EFCAB12: variants seen among roughly 807,000 people sequenced by gnomAD.
EFCAB12 encodes the protein EF-hand calcium-binding domain-containing protein 12.
EFCAB12 carries 43 observed loss-of-function variants against 53.6 expected under a neutral mutation model. That is an observed-to-expected ratio of 0.80 (90% CI 0.63 to 1.03). The LOEUF (loss-of-function observed/expected upper bound fraction) is 1.03, where lower values mean the gene tolerates loss of function less well. Among genes scored for constraint, EFCAB12 ranks in the 50% least tolerant of loss-of-function variants. The pLI is 0.00. For missense variants in EFCAB12, 646 were observed against 730.6 expected, an observed-to-expected ratio of 0.88 and a Z score of 1.34; for synonymous variants, 269 against 289.2, an observed-to-expected ratio of 0.93 and a Z score of 0.71.
At chr3:129,421,230 C>T (rs557938398) in intron 2 of EFCAB12, 137 bp downstream of exon 2, 13 of 966,550 alleles carry the variant, frequency 1.3e-5, no homozygotes, top group African/African-American at 1.3e-4. Context: ...ACAACTAATA[C>T]ACCTCCCTCT....
intron 1 of EFCAB12, among the ~76,000 whole-genome samples, chr3:129,427,365 C>G (rs67663798): frequency 0.11 from 13,852 of 128,298 alleles, 707 homozygotes; most frequent in African/African-American, 0.18. Flanking sequence ...ACTGGGTCCT[C>G]TGAGTACGTT....
rs1206795389 is a variant in EFCAB12 at position 129,415,328 on chromosome 3, GTGT to G, written c.752_754del (p.Asn251del). The G allele has an allele frequency of 2.6e-5, 42 of 1,613,584 alleles. No individual in the cohort carries two copies. The highest frequency in any genetic ancestry group is 3.5e-5 in the Non-Finnish European group (41 of 1,179,856). On this transcript the variant is annotated inframe_deletion, in exon 4 of 9. Coordinates refer to ENST00000505956, the MANE Select transcript of EFCAB12 (RefSeq NM_207307.3). ...ATTGGCCAGGATATCCATGGTGATG[GTGT>G]TGTGCTTCCCAAGAGAGCTGAGGTA... is the stretch of plus-strand genomic sequence containing the variant.
chr3:129,422,930 G>A (rs2107742540), intron 1 of EFCAB12, among the ~76,000 whole-genome samples: 1 of 152,230 alleles, frequency 6.6e-6, no homozygotes, highest in South Asian at 2.1e-4. Flanking sequence ...AGTAGACTAT[G>A]AGCTCCATGA....
intron 1 of EFCAB12, among the ~76,000 whole-genome samples, chr3:129,426,744 A>G (rs2072277645): frequency 6.6e-6 from 1 of 151,202 alleles, no homozygotes; most frequent in African/African-American, 2.4e-5. Context: ...TGGCTCAATC[A>G]TAGCTCACTG....
At chr3:129,405,675 C>G (rs1024089892) in intron 6 of EFCAB12, among the ~76,000 whole-genome samples, 2 of 152,186 alleles carry the variant, frequency 1.3e-5, no homozygotes, top group African/African-American at 4.8e-5. Flanking sequence ...GGCTCCTGAG[C>G]TTGAAGCCTG....
At chr3:129,406,954 G>A (rs1385228333) in intron 6 of EFCAB12, among the ~76,000 whole-genome samples, 9 of 151,824 alleles carry the variant, frequency 5.9e-5, no homozygotes, top group Admixed American at 5.9e-4. Context: ...TTGAACTCCT[G>A]GGATCAAGCT....
In EFCAB12 at chr3:129,418,130, CT is replaced by C. The variant is rs1305611834; in HGVS notation, c.681+123del. On this transcript the variant is annotated intron_variant, in intron 3 of 8. Transcript: ENST00000505956. The stretch of plus-strand genomic sequence containing the variant: ...GTAATAAGGCTGACAGTTTGCACTC[CT>C]TGTGTCTACTTCTCAGTTGAACCAG... 7.8e-6 allele frequency: 7 copies of C among 896,590 alleles called. No homozygotes were observed. In the East Asian group the frequency reaches 1.1e-4, roughly 14 times the overall value. The allele number at this position is 896,590 out of a possible 1,614,324, so 55.5% of individuals were successfully genotyped here.
At chr3:129,422,242 T>C (rs1057350135) in intron 1 of EFCAB12, among the ~76,000 whole-genome samples, 2 of 152,194 alleles carry the variant, frequency 1.3e-5, no homozygotes, top group African/African-American at 2.4e-5. Context: ...AACCTCCTCA[T>C]TGGTAAAATG....
intron 1 of EFCAB12, among the ~76,000 whole-genome samples, chr3:129,428,044 T>C (rs67377757): frequency 0.13 from 20,037 of 152,220 alleles, 1,681 homozygotes; most frequent in South Asian, 0.24. Flanking sequence ...GCCCGGCATT[T>C]ACCCCTTCTT....
At chr3:129,414,615 T>C (rs1480147300) in intron 4 of EFCAB12, 1 of 152,280 alleles carries the variant, frequency 6.6e-6, no homozygotes, top group African/African-American at 2.4e-5. Context: ...AGAAATATTA[T>C]ACAATGCACC....
Position 129,411,337 on chromosome 3 carries a change from G to T in EFCAB12, c.856C>A (p.His286Asn), listed in dbSNP as rs1158163320. ...TAREHYILAK[H>N]RDSLKGPLKK... ...AGCGGACCCTTCAGGGAATCTCTGT[G>T]CTTGGCCAAGATATAATCTGGAGTC... is the stretch of plus-strand genomic sequence containing the variant. Residue 286 changes from histidine to asparagine, a missense_variant, in exon 5 of 9, where the codon CAC (histidine) becomes AAC (asparagine). By Grantham distance (68) the His-to-Asn change is moderately conservative. Coordinates refer to ENST00000505956, the MANE Select transcript of EFCAB12 (RefSeq NM_207307.3). 1 of 1,587,342 alleles carries T rather than the reference G, an allele frequency of 6.3e-7. No homozygotes were observed. Among genetic ancestry groups the T allele is most frequent in the South Asian group, 1.1e-5 (1 of 88,124 alleles).
At chr3:129,402,894 T>C (rs1330808194) in intron 7 of EFCAB12, 2 of 273,170 alleles carry the variant, frequency 7.3e-6, no homozygotes, top group Non-Finnish European at 1.4e-5. Context: ...CGAGGGAGGC[T>C]CAGTAAGTCA....
intron 8 of EFCAB12, among the ~76,000 whole-genome samples, chr3:129,402,133 G>A (rs1258812040): frequency 6.6e-6 from 1 of 152,178 alleles, no homozygotes; most frequent in Non-Finnish European, 1.5e-5. Flanking sequence ...TCTTAAGCGC[G>A]AACCATCTGT....
At chr3:129,402,259 CCT>C (rs1313316575) in intron 8 of EFCAB12, among the ~76,000 whole-genome samples, 2 of 152,182 alleles carry the variant, frequency 1.3e-5, no homozygotes, top group African/African-American at 4.8e-5. Flanking sequence ...TGATATTTAC[CCT>C]GTCTGTGCCT....
chr3:129,401,960 C>T, intron 8 of EFCAB12, 109 bp from the exon 9 acceptor site: 1 of 1,428,942 alleles, frequency 7.0e-7, no homozygotes, highest in Non-Finnish European at 9.4e-7. Flanking sequence ...AGCACTGTGC[C>T]AAGCACTTCA....
At chr3:129,424,826 A>C (rs2072252140) in intron 1 of EFCAB12, among the ~76,000 whole-genome samples, 3 of 152,186 alleles carry the variant, frequency 2.0e-5, no homozygotes. Context: ...ACCGTGGTTC[A>C]CCTGTTCTCA....
intron 2 of EFCAB12, 21 bp downstream of exon 2, chr3:129,421,346 C>G (rs756965158): frequency 6.3e-7 from 1 of 1,585,138 alleles, no homozygotes; most frequent in Admixed American, 1.8e-5. Context: ...GTGTCTTCAT[C>G]TGGCAAATGG....
At chr3:129,406,420 G>C (rs528598057) in intron 6 of EFCAB12, among the ~76,000 whole-genome samples, 47 of 152,254 alleles carry the variant, frequency 3.1e-4, no homozygotes, top group African/African-American at 1.0e-3. Flanking sequence ...GCCAAATTGT[G>C]TCTCCCCGAA....
chr3:129,407,883 T>C (rs539766487), intron 6 of EFCAB12, among the ~76,000 whole-genome samples: 1 of 152,292 alleles, frequency 6.6e-6, no homozygotes, highest in East Asian at 1.9e-4. Flanking sequence ...TACTACACTC[T>C]AGCCTGGGCG....
Sources: gnomAD v4.1 joint callset for allele counts (sites outside exome capture counted in the v4.1 genomes callset) on GRCh38, gnomAD v4.1.1 for gene constraint, MANE v1.5 for transcripts, NCBI Gene and HGNC (gene_info 2026-07-23, HGNC 2026-07-21) for gene names.